ANK3: variants seen among roughly 807,000 people sequenced by gnomAD.
ANK3 encodes the protein ankyrin-3.
ANK3 carries 57 observed loss-of-function variants against 370.9 expected under a neutral mutation model. That is an observed-to-expected ratio of 0.15 (90% CI 0.12 to 0.19). ANK3 has a LOEUF of 0.19. Ranked by LOEUF, ANK3 falls within the 10% of genes least tolerant of loss-of-function variation. The pLI, the probability that ANK3 is intolerant of heterozygous loss-of-function variation, is 1.00. For missense variants in ANK3, 4,439 were observed against 5,302.1 expected (o/e 0.84, Z 5.06); for synonymous variants, 1,929 against 1,946.3 (o/e 0.99, Z 0.23).
intron 18 of ANK3, among the ~76,000 whole-genome samples, chr10:60,180,839 G>A (rs997488555): frequency 4.6e-5 from 7 of 151,934 alleles, no homozygotes; most frequent in Non-Finnish European, 4.4e-5. Flanking sequence ...GAGCTTTCTC[G>A]TCTGAGAGAG....
chr10:60,699,484 A>T (rs2079517104), intron 1 of ANK3, among the ~76,000 whole-genome samples: 1 of 152,144 alleles, frequency 6.6e-6, no homozygotes, highest in Non-Finnish European at 1.5e-5. Flanking sequence ...TGCTACTTAT[A>T]TAGAATTTAT....
rs781269013 is a variant in ANK3, at chr10:60,075,755, C to G, written c.5126G>C (p.Gly1709Ala). 1 of 1,613,980 alleles carries G rather than the reference C, an allele frequency of 6.2e-7. No homozygotes were observed. The highest frequency in any genetic ancestry group is 1.7e-5 in the Admixed American group (1 of 59,996). Residue 1709 changes from glycine to alanine, a missense_variant, in exon 37 of 44, where the codon GGA becomes GCA. Around this residue, in one of 13 missense-constraint regions of ANK3, gnomAD observed 679 missense variants for 791.0 expected, o/e 0.86. Coordinates refer to ENST00000280772, the MANE Select transcript of ANK3 (RefSeq NM_020987.5). ...ATTGACTAATGCTACCTCTGCATGTCCAGGCATCTGCTTCACAGGTGATGA... is the reference window on the plus strand; with the variant it reads ...ATTGACTAATGCTACCTCTGCATGTGCAGGCATCTGCTTCACAGGTGATGA... ...SLSSPVKQMP[G>A]HAEVALVNGS...
intron 2 of ANK3, among the ~76,000 whole-genome samples, chr10:60,494,861 C>A (rs1026303507): frequency 3.9e-5 from 6 of 152,072 alleles, no homozygotes; most frequent in African/African-American, 1.4e-4. Flanking sequence ...CTTATAGATA[C>A]AGCATAATGC....
intron 7 of ANK3, among the ~76,000 whole-genome samples, chr10:60,253,881 T>C (rs752880380): frequency 6.6e-6 from 1 of 152,216 alleles, no homozygotes; most frequent in Non-Finnish European, 1.5e-5. Context: ...TGGTCTCTGT[T>C]GGGATAAACA....
At chr10:60,068,146 T>C (rs961036437) in intron 37 of ANK3, 137 bp from the exon 38 acceptor site, 2 of 692,342 alleles carry the variant, frequency 2.9e-6, no homozygotes, top group South Asian at 2.3e-5. Context: ...GTCACCTACA[T>C]GAACACTTCT....
chr10:60,460,741 C>A (rs1042486404), intron 2 of ANK3, among the ~76,000 whole-genome samples: 5 of 152,074 alleles, frequency 3.3e-5, no homozygotes, highest in African/African-American at 1.2e-4. Flanking sequence ...TCATTTTATT[C>A]TCATATTTTC....
At chr10:60,487,155 A>T (rs1262215501) in intron 2 of ANK3, among the ~76,000 whole-genome samples, 1 of 152,220 alleles carries the variant, frequency 6.6e-6, no homozygotes, top group Non-Finnish European at 1.5e-5. Flanking sequence ...AGAACTCTAT[A>T]CTATCAATAT....
intron 23 of ANK3, among the ~76,000 whole-genome samples, chr10:60,149,110 T>TA (rs2094966517): frequency 6.6e-6 from 1 of 152,182 alleles, no homozygotes; most frequent in Non-Finnish European, 1.5e-5. Context: ...AAACATCCAT[T>TA]TATTGGTTTG....
rs199989242 is a variant in ANK3, at chr10:60,218,097, C to CT, written c.898-4588dup. 3.0e-3 allele frequency among the ~76,000 whole-genome samples: 382 copies of CT among 126,142 alleles called. 1 individual carries two copies. The highest frequency in any genetic ancestry group is 6.8e-3 in the South Asian group (27 of 3,968). The allele number at this position is 126,142 out of a possible 152,430, so 82.8% of individuals were successfully genotyped here. On this transcript the variant is annotated intron_variant, in intron 8 of 43. Transcript: ENST00000280772. The stretch of plus-strand genomic sequence containing the variant: ...CAACCCCTGCTTTTTCTTTTTCTTT[C>CT]TTTTTTTTTTTTTTTTTTTTGCTTT...
At chr10:60,512,328 C>A (rs561772939) in intron 2 of ANK3, among the ~76,000 whole-genome samples, 1 of 152,094 alleles carries the variant, frequency 6.6e-6, no homozygotes, top group East Asian at 1.9e-4. Flanking sequence ...TCAAACAATG[C>A]AAATAATCCT....
intron 2 of ANK3, among the ~76,000 whole-genome samples, chr10:60,580,198 T>C (rs1225238405): frequency 6.6e-6 from 1 of 152,256 alleles, no homozygotes; most frequent in Admixed American, 6.5e-5. Flanking sequence ...TTCATAACTA[T>C]GCTTAGTCTA....
At chr10:60,573,646 T>C (rs2077645477) in intron 2 of ANK3, among the ~76,000 whole-genome samples, 1 of 152,202 alleles carries the variant, frequency 6.6e-6, no homozygotes, top group African/African-American at 2.4e-5. Context: ...CTTCCATCCA[T>C]TTAAACACAG....
At chr10:60,353,069 C>T (rs989066510) in intron 1 of ANK3, among the ~76,000 whole-genome samples, 1 of 151,966 alleles carries the variant, frequency 6.6e-6, no homozygotes, top group Non-Finnish European at 1.5e-5. Context: ...CTGCATTCTC[C>T]ACCTCCCCAG....
chr10:60,497,012 C>T (rs113458127), intron 2 of ANK3, among the ~76,000 whole-genome samples: 22 of 152,168 alleles, frequency 1.4e-4, no homozygotes, highest in African/African-American at 5.3e-4. Context: ...AAAAACAAAA[C>T]AAAAACAGGC....
chr10:60,620,436 G>T (rs2078320356), intron 1 of ANK3, among the ~76,000 whole-genome samples: 1 of 152,024 alleles, frequency 6.6e-6, no homozygotes, highest in African/African-American at 2.4e-5. Flanking sequence ...TATGAGGCAG[G>T]TACTTTTATT....
At chr10:60,588,419 A>C (rs1233934793) in intron 2 of ANK3, among the ~76,000 whole-genome samples, 1 of 151,430 alleles carries the variant, frequency 6.6e-6, no homozygotes, top group African/African-American at 2.4e-5. Context: ...TCCTGACCTC[A>C]TGATCTACCT....
chr10:60,262,985 G>A (rs1367256188), intron 6 of ANK3, among the ~76,000 whole-genome samples: 1 of 152,180 alleles, frequency 6.6e-6, no homozygotes, highest in Non-Finnish European at 1.5e-5. Context: ...TTTGGGGAGA[G>A]GAGGGATTGG....
intron 1 of ANK3, among the ~76,000 whole-genome samples, chr10:60,364,345 A>C (rs1315099347): frequency 6.6e-6 from 1 of 151,994 alleles, no homozygotes; most frequent in Non-Finnish European, 1.5e-5. Context: ...TCTAGAAATG[A>C]TGTAAAGAGG....
At chr10:60,272,637 G>A (rs1185215945) in intron 4 of ANK3, among the ~76,000 whole-genome samples, 6 of 151,772 alleles carry the variant, frequency 4.0e-5, no homozygotes, top group Non-Finnish European at 5.9e-5. Flanking sequence ...GTGCCACCTC[G>A]CCCGGCTAAT....
Sources: allele counts gnomAD v4.1 joint callset (sites outside exome capture counted in the v4.1 genomes callset), GRCh38; gene constraint gnomAD v4.1.1; regional missense constraint gnomAD v4.1.1; transcripts MANE v1.5; gene names NCBI Gene and HGNC (gene_info 2026-07-23, HGNC 2026-07-21).